RAB2B: variants seen among roughly 807,000 people sequenced by gnomAD.
RAB2B encodes the protein RAB2B, member RAS oncogene family.
RAB2B carries 20 observed loss-of-function variants against 29.8 expected under a neutral mutation model. The ratio of observed to expected loss-of-function variants is 0.67; its 90% confidence interval spans 0.47 to 0.97. The LOEUF (loss-of-function observed/expected upper bound fraction) is 0.97. Ranked by LOEUF, RAB2B falls within the 50% of genes least tolerant of loss-of-function variation. The probability of loss-of-function intolerance (pLI) is 0.00; values close to 1 mark genes in which losing one functional copy is unlikely to be tolerated. For synonymous variants in RAB2B, 93 were observed against 91.7 expected (o/e 1.01, Z -0.08); for missense variants, 218 against 272.0 (o/e 0.80, Z 1.40).
Position 21,468,454 on chromosome 14 carries a change from A to G in RAB2B, c.270-5T>C, listed in dbSNP as rs766879297. On this transcript the variant is annotated splice_polypyrimidine_tract_variant and splice_region_variant and intron_variant, in intron 4 of 7. Coordinates refer to ENST00000397762, the MANE Select transcript of RAB2B (RefSeq NM_032846.4). ...AGGTGGTTGAAGGTTTCACGCCTAC[A>G]GCAGAAAAATTTAGAATGTGGGTCA... 2 of 1,613,684 alleles carry G rather than the reference A, an allele frequency of 1.2e-6. No individual in the cohort carries two copies. The highest frequency in any genetic ancestry group is 1.7e-6 in the Non-Finnish European group (2 of 1,179,666).
At position 21,459,095 on chromosome 14, in the gene RAB2B, A is replaced by T. The variant is rs1315568581; in HGVS notation, c.*2101T>A. On this transcript the variant is annotated 3_prime_UTR_variant, in exon 8 of 8. Transcript: ENST00000397762. Reference sequence around the variant, plus strand: ...AAAAGAAAGTAGAAAAATTCGTAAGACCTCAGGGCTGTGGAAGAGAACGGG... The same window carrying T: ...AAAAGAAAGTAGAAAAATTCGTAAGTCCTCAGGGCTGTGGAAGAGAACGGG... 1 of 152,632 alleles carries T rather than the reference A, an allele frequency of 6.6e-6. No homozygotes were observed. The highest frequency in any genetic ancestry group is 1.5e-5 in the Non-Finnish European group (1 of 68,044). 9.5% of individuals were successfully genotyped at this position (152,632 alleles called of 1,614,324 possible).
chr14:21,467,226 A>G (rs1350784752), intron 5 of RAB2B, among the ~76,000 whole-genome samples: 1 of 151,746 alleles, frequency 6.6e-6, no homozygotes, highest in African/African-American at 2.4e-5. Context: ...TTTTTTTTAT[A>G]TAGGGTCTCA....
intron 5 of RAB2B, among the ~76,000 whole-genome samples, chr14:21,464,044 A>G (rs1379310269): frequency 6.6e-6 from 1 of 152,200 alleles, no homozygotes; most frequent in African/African-American, 2.4e-5. Context: ...ATAGTTACAC[A>G]AAGCTTATGC....
At chr14:21,469,597 G>C (rs1201878327) in intron 3 of RAB2B, among the ~76,000 whole-genome samples, 1 of 151,610 alleles carries the variant, frequency 6.6e-6, no homozygotes, top group African/African-American at 2.4e-5. Context: ...TTTTCCTTTA[G>C]GGAAAACAAA....
chr14:21,461,625 G>C (rs1204121238), intron 7 of RAB2B, among the ~76,000 whole-genome samples: 1 of 152,022 alleles, frequency 6.6e-6, no homozygotes, highest in African/African-American at 2.4e-5. Flanking sequence ...CCAGGCTGCA[G>C]TGCAGTGGCT....
rs958176616 is a variant in RAB2B at position 21,469,932 on chromosome 14, G to A, written c.187-1180C>T. ...TACTTCTCTTAGCAACCCTGGGGCC[G>A]ATATTATTATTCCCTTTTTTTTTTT... On this transcript the variant is annotated intron_variant, in intron 3 of 7. Transcript: ENST00000397762. 4.6e-5 allele frequency among the ~76,000 whole-genome samples: 7 copies of A among 150,684 alleles called. No homozygotes were observed. In the South Asian group the frequency reaches 1.0e-3, roughly 23 times the overall value.
chr14:21,463,512 G>A (rs967053173), intron 6 of RAB2B, 144 bp downstream of exon 6: 4 of 616,584 alleles, frequency 6.5e-6, no homozygotes, highest in Non-Finnish European at 1.1e-5. Context: ...CTCCCAAAAC[G>A]CTAGGATTAC....
chr14:21,460,252 A>G lies in RAB2B; in HGVS notation c.*944T>C, dbSNP rs775954346. On this transcript the variant is annotated 3_prime_UTR_variant, in exon 8 of 8. Coordinates refer to ENST00000397762, the MANE Select transcript of RAB2B (RefSeq NM_032846.4). Reference sequence around the variant, plus strand: ...CAAGTGTTCAAATAGAATGTCTTTGACCCTAATTCTTAGTGGGAAGTGGAT... The same window carrying G: ...CAAGTGTTCAAATAGAATGTCTTTGGCCCTAATTCTTAGTGGGAAGTGGAT... The G allele has an allele frequency of 1.9e-6, 1 of 518,848 alleles. No individual in the cohort carries two copies. Among genetic ancestry groups the G allele is most frequent in the Admixed American group, 1.9e-5 (1 of 51,556 alleles). 32.1% of individuals were successfully genotyped at this position (518,848 alleles called of 1,614,324 possible). A position where few individuals can be genotyped will look rare whatever the true frequency, so the allele number is the denominator to read the frequency against.
In RAB2B at chr14:21,459,306, G is replaced by A. The variant is rs1046030731; in HGVS notation, c.*1890C>T. The A allele has an allele frequency of 6.6e-6, 1 of 152,332 alleles. No individual in the cohort carries two copies. The highest frequency in any genetic ancestry group is 2.1e-4 in the South Asian group (1 of 4,826). The allele number at this position is 152,332 out of a possible 1,614,324, so 9.4% of individuals were successfully genotyped here. On this transcript the variant is annotated 3_prime_UTR_variant, in exon 8 of 8. Coordinates refer to ENST00000397762, the MANE Select transcript of RAB2B (RefSeq NM_032846.4). ...ATGCCTCATGGAATGGAGGCAAAAA[G>A]CCAGGGAAAGGTGGGAGGGGAGAAG...
rs1280613418 is a variant in RAB2B at position 21,476,545 on chromosome 14, A to C, written c.101T>G (p.Val34Gly). The C allele has an allele frequency of 6.2e-7, 1 of 1,613,756 alleles. No individual in the cohort carries two copies. The highest frequency in any genetic ancestry group is 8.5e-7 in the Non-Finnish European group (1 of 1,180,004). ...LQFTDKRFQP[V>G]HDLTIGVEFG... Reference sequence around the variant, plus strand: ...GCACTTACCTATTGTGAGGTCGTGGACAGGCTGGAACCGCTTATCTGTAAA... The same window carrying C: ...GCACTTACCTATTGTGAGGTCGTGGCCAGGCTGGAACCGCTTATCTGTAAA... Residue 34 changes from valine (V) to glycine (G), a missense_variant, in exon 2 of 8, where the codon GTC (valine) becomes GGC (glycine). Transcript: ENST00000397762.
rs775681203 is a variant in RAB2B at position 21,460,789 on chromosome 14, T to C, written c.*407A>G. ...CCACCACACCCAGCTAATTTTGTAT[T>C]TTCAGTTGAGATGGCATTTCTCCAA... On this transcript the variant is annotated 3_prime_UTR_variant, in exon 8 of 8. Coordinates refer to ENST00000397762, the MANE Select transcript of RAB2B (RefSeq NM_032846.4). The C allele has an allele frequency of 1.8e-4, 27 of 153,518 alleles. No individual in the cohort carries two copies. The highest frequency in any genetic ancestry group is 3.2e-4 in the Non-Finnish European group (22 of 69,190). 9.5% of individuals were successfully genotyped at this position (153,518 alleles called of 1,614,324 possible). A position where few individuals can be genotyped will look rare whatever the true frequency, so the allele number is the denominator to read the frequency against.
At position 21,459,646 on chromosome 14, in the gene RAB2B, C is replaced by T. The variant is rs1890492425; in HGVS notation, c.*1550G>A. On this transcript the variant is annotated 3_prime_UTR_variant, in exon 8 of 8. Coordinates refer to ENST00000397762, the MANE Select transcript of RAB2B (RefSeq NM_032846.4). ...AGTAACATACATAAAAATAAATATA[C>T]ATATAAATAGACATATGAATAACCA... 6.6e-6 allele frequency: 1 copy of T among 152,214 alleles called. No individual in the cohort carries two copies. The highest frequency in any genetic ancestry group is 1.5e-5 in the Non-Finnish European group (1 of 68,104). The allele number at this position is 152,214 out of a possible 1,614,324, so 9.4% of individuals were successfully genotyped here. A position where few individuals can be genotyped will look rare whatever the true frequency, so the allele number is the denominator to read the frequency against.
At chr14:21,468,472 G>A (rs1890734820) in intron 4 of RAB2B, 23 bp from the exon 5 acceptor site, 7 of 1,603,482 alleles carry the variant, frequency 4.4e-6, no homozygotes, top group Non-Finnish European at 6.0e-6. Flanking sequence ...AATTTAGAAT[G>A]TGGGTCAGAG....
rs1890742848 is a variant in RAB2B, at chr14:21,468,769, GCAACAAAAAATCC to G, written c.187-30_187-18del. On this transcript the variant is annotated intron_variant, in intron 3 of 7. Transcript: ENST00000397762. ...TTGCCCAGCCTTTCCCACCAACATG[GCAACAAAAAATCC>G]CAACAAAACCAGGTTATTTCCACAG... 6.7e-7 allele frequency: 1 copy of G among 1,493,930 alleles called. No homozygotes were observed. Among genetic ancestry groups the G allele is most frequent in the Non-Finnish European group, 8.9e-7 (1 of 1,117,994 alleles). The allele number at this position is 1,493,930 out of a possible 1,614,324, so 92.5% of individuals were successfully genotyped here.
chr14:21,476,222 T>C (rs1890958097), intron 2 of RAB2B: 1 of 316,214 alleles, frequency 3.2e-6, no homozygotes, highest in Non-Finnish European at 5.9e-6. Flanking sequence ...CACAGATGAG[T>C]TCATAAATAA....
At position 21,476,901 on chromosome 14, in the gene RAB2B, G is replaced by A; in HGVS notation, c.-29C>T. 6.2e-7 allele frequency: 1 copy of A among 1,612,402 alleles called. No homozygotes were observed. Among genetic ancestry groups the A allele is most frequent in the Non-Finnish European group, 8.5e-7 (1 of 1,179,704 alleles). Reference sequence around the variant, plus strand: ...GTCGCGTCCTCTGGGTTCCGGGTCCGCCCGACTTCTATAGCCACTTACCTC... The same window carrying A: ...GTCGCGTCCTCTGGGTTCCGGGTCCACCCGACTTCTATAGCCACTTACCTC... On this transcript the variant is annotated 5_prime_UTR_variant, in exon 1 of 8. Coordinates refer to ENST00000397762, the MANE Select transcript of RAB2B (RefSeq NM_032846.4).
At chr14:21,464,728 G>C (rs1399872779) in intron 5 of RAB2B, among the ~76,000 whole-genome samples, 2 of 152,198 alleles carry the variant, frequency 1.3e-5, no homozygotes, top group African/African-American at 4.8e-5. Flanking sequence ...GCAGAGCTGG[G>C]CGTGGTGGCT....
intron 3 of RAB2B, among the ~76,000 whole-genome samples, chr14:21,474,119 C>T (rs1566473798): frequency 6.6e-6 from 1 of 151,998 alleles, no homozygotes; most frequent in Non-Finnish European, 1.5e-5. Context: ...TGAACCCAGG[C>T]GGTGGAGGTC....
chr14:21,465,089 T>C (rs752978126), intron 5 of RAB2B, among the ~76,000 whole-genome samples: 1 of 152,182 alleles, frequency 6.6e-6, no homozygotes, highest in Admixed American at 6.5e-5. Flanking sequence ...AAATTTTCAT[T>C]TGGGAGGTTT....
Sources: allele counts gnomAD v4.1 joint callset (sites outside exome capture counted in the v4.1 genomes callset), GRCh38; gene constraint gnomAD v4.1.1; transcripts MANE v1.5; gene names NCBI Gene and HGNC (gene_info 2026-07-23, HGNC 2026-07-21).